The following SDCBP variants were observed in gnomAD, a reference collection of about 807,000 sequenced individuals.
SDCBP encodes syntenin-1.
In SDCBP, 22 loss-of-function variants were observed where a neutral mutation model predicts 30.5. That is an observed-to-expected ratio of 0.72 (90% CI 0.52 to 1.03). The LOEUF (loss-of-function observed/expected upper bound fraction) is 1.03, where lower values mean the gene tolerates loss of function less well. Among genes scored for constraint, SDCBP ranks in the 50% least tolerant of loss-of-function variants. The pLI, the probability that SDCBP is intolerant of heterozygous loss-of-function variation, is 0.00. For synonymous variants in SDCBP, 103 were observed against 118.7 expected (o/e 0.87, Z 0.86); for missense variants, 304 against 369.9 (o/e 0.82, Z 1.46).
intron 5 of SDCBP, 160 bp downstream of exon 5, chr8:58,576,221 T>C (rs1410302239): frequency 1.6e-6 from 1 of 624,870 alleles, no homozygotes; most frequent in Non-Finnish European, 2.7e-6. Context: ...ATTGGGGATG[T>C]TCTATTTTGC....
chr8:58,572,435 A>G, intron 4 of SDCBP, 121 bp downstream of exon 4: 1 of 626,090 alleles, frequency 1.6e-6, no homozygotes. Flanking sequence ...CTTCTCAGAA[A>G]TTTTAGACTT....
At chr8:58,574,191 A>G (rs1805198568) in intron 4 of SDCBP, among the ~76,000 whole-genome samples, 1 of 152,216 alleles carries the variant, frequency 6.6e-6, no homozygotes, top group Non-Finnish European at 1.5e-5. Context: ...CTGGGCAGTC[A>G]TCATGGTATT....
intron 6 of SDCBP, 68 bp from the exon 7 acceptor site, chr8:58,579,555 G>C (rs1488919135): frequency 1.7e-6 from 2 of 1,209,086 alleles, no homozygotes; most frequent in Non-Finnish European, 2.2e-6. Flanking sequence ...CAACATTTAT[G>C]CTATATGAAA....
At chr8:58,565,577 G>A (rs1251562849) in intron 2 of SDCBP, among the ~76,000 whole-genome samples, 1 of 152,102 alleles carries the variant, frequency 6.6e-6, no homozygotes, top group East Asian at 1.9e-4. Flanking sequence ...TGAGAGATGA[G>A]CAGCAGACAT....
At chr8:58,580,856 A>G (rs751385354) in intron 8 of SDCBP, among the ~76,000 whole-genome samples, 19 of 152,186 alleles carry the variant, frequency 1.2e-4, no homozygotes, top group Non-Finnish European at 2.8e-4. Flanking sequence ...AAAGGTATGC[A>G]AGGAGAAGTG....
chr8:58,560,092 G>T (rs1804354909), intron 1 of SDCBP, among the ~76,000 whole-genome samples: 1 of 152,146 alleles, frequency 6.6e-6, no homozygotes, highest in Admixed American at 6.5e-5. Context: ...GTTTAGATTA[G>T]CAGGCACTCA....
rs562600955 is a variant in SDCBP, at chr8:58,580,044, A to G, written c.750+250A>G. 6 of 355,338 alleles carry G rather than the reference A, an allele frequency of 1.7e-5. No individual in the cohort carries two copies. The East Asian group carries it at 2.8e-4, about 17-fold the overall frequency. 22.0% of individuals were successfully genotyped at this position (355,338 alleles called of 1,614,324 possible). On this transcript the variant is annotated intron_variant, in intron 7 of 8. Transcript: ENST00000260130. ...CTAGAATTCTGTGGAAATATGGGCA[A>G]CAAAGATTTAGAATATGAATAGTGG...
chr8:58,581,936 C>T lies in SDCBP; in HGVS notation c.*196C>T. 1.9e-6 allele frequency: 1 copy of T among 527,954 alleles called. No individual in the cohort carries two copies. Among genetic ancestry groups the T allele is most frequent in the South Asian group, 2.5e-5 (1 of 40,794 alleles). 32.7% of individuals were successfully genotyped at this position (527,954 alleles called of 1,614,324 possible). ...GATTTCAAAATAGTTGTAGCCTTAT[C>T]CTGGTTTTACAGATGTGAAACTTTC... On this transcript the variant is annotated 3_prime_UTR_variant, in exon 9 of 9. Coordinates refer to ENST00000260130, the MANE Select transcript of SDCBP (RefSeq NM_005625.4).
chr8:58,556,182 GGTTTCATGGAAGACA>G (rs1203906797), intron 1 of SDCBP, among the ~76,000 whole-genome samples: 2 of 152,224 alleles, frequency 1.3e-5, no homozygotes, highest in African/African-American at 2.4e-5. Flanking sequence ...ACCAGGGACT[GGTTTCATGGAAGACA>G]GTTTTTCCAC....
chr8:58,555,975 A>G (rs1052943486), intron 1 of SDCBP, among the ~76,000 whole-genome samples: 6 of 152,206 alleles, frequency 3.9e-5, no homozygotes, highest in African/African-American at 1.2e-4. Flanking sequence ...AGAAATTTTA[A>G]TAACTGCTTC....
At chr8:58,574,262 A>C in intron 4 of SDCBP, among the ~76,000 whole-genome samples, 2 of 152,322 alleles carry the variant, frequency 1.3e-5, no homozygotes, top group South Asian at 4.1e-4. Flanking sequence ...AATATTTTTA[A>C]TTTAAAGGCA....
At chr8:58,560,981 C>G (rs1036139650) in intron 1 of SDCBP, 2 of 151,948 alleles carry the variant, frequency 1.3e-5, no homozygotes, top group Non-Finnish European at 2.9e-5. Context: ...GTTCAGTGAC[C>G]CAAGGAAAAT....
chr8:58,570,795 C>G, intron 2 of SDCBP, 92 bp from the exon 3 acceptor site: 1 of 801,392 alleles, frequency 1.2e-6, no homozygotes. Context: ...GTTTTAGTTT[C>G]TTTTTGGAAG....
chr8:58,553,961 T>C (rs1179721593), intron 1 of SDCBP, among the ~76,000 whole-genome samples: 4 of 152,206 alleles, frequency 2.6e-5, no homozygotes, highest in Non-Finnish European at 5.9e-5. Flanking sequence ...CCCTGAGATC[T>C]GACCCCTGAG....
intron 1 of SDCBP, among the ~76,000 whole-genome samples, chr8:58,563,274 C>T (rs1042670841): frequency 2.0e-5 from 3 of 152,082 alleles, no homozygotes; most frequent in African/African-American, 7.2e-5. Context: ...AATACTGATA[C>T]ATGCTCCAAC....
intron 1 of SDCBP, among the ~76,000 whole-genome samples, chr8:58,556,541 G>T (rs1299755214): frequency 6.6e-6 from 1 of 152,166 alleles, no homozygotes; most frequent in East Asian, 1.9e-4. Flanking sequence ...GCCAGTTGTA[G>T]TTGGTGGTTT....
chr8:58,582,550 C>G lies in SDCBP; in HGVS notation c.*810C>G, dbSNP rs986043362. 1 of 152,590 alleles carries G rather than the reference C, an allele frequency of 6.6e-6. No individual in the cohort carries two copies. Among genetic ancestry groups the G allele is most frequent in the Non-Finnish European group, 1.5e-5 (1 of 68,030 alleles). The allele number at this position is 152,590 out of a possible 1,614,324, so 9.5% of individuals were successfully genotyped here. On this transcript the variant is annotated 3_prime_UTR_variant, in exon 9 of 9. Coordinates refer to ENST00000260130, the MANE Select transcript of SDCBP (RefSeq NM_005625.4). The stretch of plus-strand genomic sequence containing the variant: ...TTTCTTCTAAAAGTTGCCAGTGCCA[C>G]TTTTAAGAAGTGAATCACTATATGT...
intron 3 of SDCBP, 125 bp from the exon 4 acceptor site, chr8:58,572,079 CT>C: frequency 1.7e-6 from 1 of 601,650 alleles, no homozygotes; most frequent in Non-Finnish European, 2.9e-6. Context: ...CAAATTGCTA[CT>C]TTAAATTCAT....
At chr8:58,564,328 T>C (rs751032455) in intron 1 of SDCBP, among the ~76,000 whole-genome samples, 11 of 152,220 alleles carry the variant, frequency 7.2e-5, no homozygotes, top group Non-Finnish European at 1.2e-4. Context: ...CTAAATAAAA[T>C]TTAAAATATG....
Sources: allele counts gnomAD v4.1 joint callset (sites outside exome capture counted in the v4.1 genomes callset), GRCh38; gene constraint gnomAD v4.1.1; transcripts MANE v1.5; gene names NCBI Gene and HGNC (gene_info 2026-07-23, HGNC 2026-07-21).